Variants in DNAH8 observed in about 807,000 individuals in gnomAD.
DNAH8 encodes the protein axonemal beta dynein heavy chain 8.
Under a neutral mutation model 562.1 loss-of-function variants are expected in DNAH8, and 382 were observed. The observed-to-expected ratio is 0.68, with a 90% CI of 0.63 to 0.74. The LOEUF (loss-of-function observed/expected upper bound fraction) is 0.74, where lower values mean the gene tolerates loss of function less well. Among genes scored for constraint, DNAH8 ranks in the 30% least tolerant of loss-of-function variants. The pLI is 0.00. For missense variants in DNAH8, 5,203 were observed against 5,620.4 expected, an observed-to-expected ratio of 0.93 and a Z score of 2.37; for synonymous variants, 1,881 against 1,919.4, an observed-to-expected ratio of 0.98 and a Z score of 0.52.
intron 68 of DNAH8, among the ~76,000 whole-genome samples, chr6:38,915,915 C>T (rs75672253): frequency 0.013 from 1,977 of 152,064 alleles, 28 homozygotes; most frequent in South Asian, 0.024. Flanking sequence ...TATATACACA[C>T]ATATATACAC....
intron 76 of DNAH8, among the ~76,000 whole-genome samples, chr6:38,933,556 C>A (rs1006349736): frequency 2.4e-4 from 36 of 152,184 alleles, no homozygotes; most frequent in Non-Finnish European, 1.0e-4. Context: ...GCTATGATAT[C>A]TGTTTTTCCA....
chr6:39,023,924 G>A (rs1281138408), intron 91 of DNAH8, among the ~76,000 whole-genome samples: 4 of 152,162 alleles, frequency 2.6e-5, no homozygotes, highest in Non-Finnish European at 5.9e-5. Context: ...TCACCTCCTG[G>A]CATTGCTAAG....
chr6:38,910,224 A>G (rs1440143545), intron 65 of DNAH8, among the ~76,000 whole-genome samples: 1 of 152,208 alleles, frequency 6.6e-6, no homozygotes, highest in East Asian at 1.9e-4. Context: ...CAAAATATCA[A>G]TTGACTATGG....
intron 82 of DNAH8, among the ~76,000 whole-genome samples, chr6:38,952,521 T>C (rs1761985613): frequency 6.6e-6 from 1 of 152,230 alleles, no homozygotes; most frequent in African/African-American, 2.4e-5. Flanking sequence ...ATTACAGTGA[T>C]TGATTATGAA....
At chr6:38,777,373 T>C (rs1768173601) in intron 13 of DNAH8, among the ~76,000 whole-genome samples, 1 of 152,154 alleles carries the variant, frequency 6.6e-6, no homozygotes, top group South Asian at 2.1e-4. Flanking sequence ...TTTCAGTAAA[T>C]TACAGCAATA....
intron 89 of DNAH8, among the ~76,000 whole-genome samples, chr6:39,010,609 A>G (rs1227690077): frequency 6.6e-6 from 1 of 152,044 alleles, no homozygotes; most frequent in Non-Finnish European, 1.5e-5. Flanking sequence ...TATACTAGAG[A>G]TACCTGGGCT....
chr6:38,734,313 C>T (rs1404498240), intron 4 of DNAH8, among the ~76,000 whole-genome samples, 161 bp from the exon 5 acceptor site: 7 of 106,536 alleles, frequency 6.6e-5, no homozygotes, highest in African/African-American at 2.6e-4. Flanking sequence ...TAATTATTGG[C>T]ATCTTCTAGT....
chr6:38,919,155 C>T (rs1781516017), intron 70 of DNAH8, among the ~76,000 whole-genome samples: 2 of 151,932 alleles, frequency 1.3e-5, no homozygotes, highest in African/African-American at 4.8e-5. Context: ...AAATTATGAT[C>T]CATAGTGAAG....
chr6:38,802,912 A>G (rs1369217843), intron 21 of DNAH8, among the ~76,000 whole-genome samples: 5 of 152,236 alleles, frequency 3.3e-5, no homozygotes, highest in Non-Finnish European at 7.3e-5. Context: ...ACCTATGTGA[A>G]TATCAAGGTA....
chr6:38,722,974 T>G lies in DNAH8; in HGVS notation c.165T>G (p.Val55=). The change falls in exon 2 of 93, where the codon GTT becomes GTG. Residue 55 remains valine (V), a synonymous_variant. Transcript: ENST00000327475. ...DGFSPSAEDA[V]SSVVDYRDLI... is the part of the protein sequence containing the mutation. ...TCTCTCCTTCCGCAGAAGATGCTGT[T>G]TCTTCTGTGGTGGATTATCGGGATC... 1.2e-6 allele frequency: 2 copies of G among 1,612,660 alleles called. No individual in the cohort carries two copies. Among genetic ancestry groups the G allele is most frequent in the Non-Finnish European group, 1.7e-6 (2 of 1,179,716 alleles).
intron 82 of DNAH8, among the ~76,000 whole-genome samples, chr6:38,966,535 A>G (rs546003827): frequency 8.5e-5 from 13 of 152,334 alleles, no homozygotes; most frequent in African/African-American, 2.6e-4. Context: ...ACACATAGAA[A>G]AAACTACAGA....
rs1325678677 is a variant in DNAH8 at position 38,723,323 on chromosome 6, T to C, written c.391-14T>C. The C allele has an allele frequency of 3.2e-6, 5 of 1,586,834 alleles. No homozygotes were observed. Among genetic ancestry groups the C allele is most frequent in the Non-Finnish European group, 4.3e-6 (5 of 1,171,542 alleles). On this transcript the variant is annotated splice_polypyrimidine_tract_variant and intron_variant, in intron 2 of 92. Transcript: ENST00000327475. The stretch of plus-strand genomic sequence containing the variant: ...TCAGAATTGCAATTTTTGAACTTGG[T>C]TTTCATTCCTTAGGCAAGATTTAGA...
At chr6:38,807,832 A>G (rs1468231248) in intron 24 of DNAH8, 116 bp downstream of exon 24, 1 of 456,490 alleles carries the variant, frequency 2.2e-6, no homozygotes, top group Non-Finnish European at 3.6e-6. Flanking sequence ...ATTCATTAAA[A>G]GACTGTATGA....
chr6:38,883,922 G>T lies in DNAH8; in HGVS notation c.8183G>T (p.Gly2728Val). The T allele has an allele frequency of 6.3e-7, 1 of 1,592,196 alleles. No individual in the cohort carries two copies. Among genetic ancestry groups the T allele is most frequent in the South Asian group, 1.1e-5 (1 of 87,696 alleles). ...GATAAGCGAATTGGAAGCACATATGGGCCACCAGGAGGGAGAAAAATGACT... is the reference window on the plus strand; with the variant it reads ...GATAAGCGAATTGGAAGCACATATGTGCCACCAGGAGGGAGAAAAATGACT... ...YVDKRIGSTY[G>V]PPGGRKMTVF... Residue 2728 changes from glycine to valine, a missense_variant, in exon 56 of 93, where the codon GGG becomes GTG. Physicochemically the swap from Gly to Val is moderately radical, Grantham distance 109 (BLOSUM62 -3). Coordinates refer to ENST00000327475, the MANE Select transcript of DNAH8 (RefSeq NM_001206927.2).
intron 62 of DNAH8, among the ~76,000 whole-genome samples, chr6:38,905,597 A>G (rs1009872129): frequency 6.6e-6 from 1 of 152,208 alleles, no homozygotes; most frequent in Non-Finnish European, 1.5e-5. Context: ...GATATTATAT[A>G]TATATTTACT....
rs1258540091 is a variant in DNAH8 at position 38,926,105 on chromosome 6, G to A, written c.11013G>A (p.Gln3671=). The change falls in exon 74 of 93, where the codon CAG becomes CAA. Residue 3671 remains glutamine (Q), a synonymous_variant. Transcript: ENST00000327475. ...QGLPGDDLSI[Q]NGIIVTKATR... ...TACCAGGAGATGATCTCTCAATTCAGAATGGCATTATTGTGACAAAGGCCA... is the reference window on the plus strand; with the variant it reads ...TACCAGGAGATGATCTCTCAATTCAAAATGGCATTATTGTGACAAAGGCCA... 6.8e-6 allele frequency: 11 copies of A among 1,613,606 alleles called. No homozygotes were observed. Among genetic ancestry groups the A allele is most frequent in the Non-Finnish European group, 9.3e-6 (11 of 1,179,792 alleles).
chr6:38,986,413 ATATCAAG>A (rs1764402251), intron 87 of DNAH8, among the ~76,000 whole-genome samples: 1 of 152,226 alleles, frequency 6.6e-6, no homozygotes, highest in African/African-American at 2.4e-5. Flanking sequence ...TCTAGGACAT[ATATCAAG>A]TACACTTAAA....
At chr6:38,803,663 CT>C (rs35261274) in intron 22 of DNAH8, among the ~76,000 whole-genome samples, 19,470 of 138,456 alleles carry the variant, frequency 0.14, 1,469 homozygotes, top group East Asian at 0.38. Flanking sequence ...ATTTATTTTA[CT>C]TTTTTTTTTT....
intron 28 of DNAH8, 54 bp from the exon 29 acceptor site, chr6:38,826,102 A>T: frequency 8.1e-7 from 1 of 1,235,226 alleles, no homozygotes; most frequent in Non-Finnish European, 1.1e-6. Flanking sequence ...AGATGCCCTT[A>T]TAGTTTCAGA....
Sources: gnomAD v4.1 joint callset for allele counts (sites outside exome capture counted in the v4.1 genomes callset) on GRCh38, gnomAD v4.1.1 for gene constraint, MANE v1.5 for transcripts, NCBI Gene and HGNC (gene_info 2026-07-23, HGNC 2026-07-21) for gene names.